FAM124A: variants seen among roughly 807,000 people sequenced by gnomAD.
The protein encoded by FAM124A is protein FAM124A.
FAM124A carries 23 observed loss-of-function variants against 24.5 expected under a neutral mutation model. The observed-to-expected ratio is 0.94, with a 90% confidence interval of 0.68 to 1.33. The LOEUF is 1.33. FAM124A is among the 40% of genes most tolerant of loss of function. FAM124A has a pLI of 0.00. For missense variants in FAM124A, 623 were observed against 722.8 expected, an observed-to-expected ratio of 0.86 and a Z score of 1.58; for synonymous variants, 287 against 314.7, an observed-to-expected ratio of 0.91 and a Z score of 0.93.
intron 1 of FAM124A, among the ~76,000 whole-genome samples, chr13:51,226,432 G>A (rs1954316393): frequency 6.6e-6 from 1 of 152,148 alleles, no homozygotes; most frequent in Non-Finnish European, 1.5e-5. Flanking sequence ...TCTCTTTGGT[G>A]TAAATACAGC....
intron 3 of FAM124A, among the ~76,000 whole-genome samples, chr13:51,267,355 A>G (rs1029468707): frequency 1.4e-4 from 21 of 152,340 alleles, no homozygotes; most frequent in African/African-American, 5.0e-4. Flanking sequence ...TTTTAAATGT[A>G]TGTCATTTTA....
At chr13:51,275,029 G>T (rs1954872965) in intron 3 of FAM124A, among the ~76,000 whole-genome samples, 1 of 152,112 alleles carries the variant, frequency 6.6e-6, no homozygotes. Context: ...ACAGTACTCA[G>T]GAATCCTGGT....
intron 3 of FAM124A, among the ~76,000 whole-genome samples, chr13:51,263,501 G>T (rs1954756763): frequency 6.6e-6 from 1 of 152,232 alleles, no homozygotes. Context: ...CCTCTCAGGG[G>T]AACCCTCGCT....
intron 3 of FAM124A, among the ~76,000 whole-genome samples, chr13:51,270,851 A>G (rs1476470292): frequency 6.6e-6 from 1 of 152,350 alleles, no homozygotes; most frequent in Admixed American, 6.5e-5. Flanking sequence ...CATAAGCATT[A>G]CAAATATATT....
intron 2 of FAM124A, among the ~76,000 whole-genome samples, chr13:51,234,832 A>G (rs1593587598): frequency 6.6e-6 from 1 of 152,304 alleles, no homozygotes; most frequent in East Asian, 1.9e-4. Context: ...GCTTCTCTGA[A>G]CCGTGAGCTG....
At chr13:51,247,195 G>T (rs890489013) in intron 2 of FAM124A, among the ~76,000 whole-genome samples, 2 of 152,218 alleles carry the variant, frequency 1.3e-5, no homozygotes, top group Admixed American at 6.5e-5. Context: ...GGCCAGGCGG[G>T]AGCTGCCGTG....
intron 3 of FAM124A, among the ~76,000 whole-genome samples, chr13:51,268,586 G>A (rs530609381): frequency 1.7e-4 from 26 of 152,320 alleles, no homozygotes; most frequent in Middle Eastern, 3.4e-3. Flanking sequence ...TCAGGGTCCT[G>A]TAGCATGAAC....
intron 2 of FAM124A, among the ~76,000 whole-genome samples, chr13:51,248,384 C>G (rs1022251087): frequency 2.0e-5 from 3 of 152,238 alleles, no homozygotes; most frequent in African/African-American, 7.2e-5. Context: ...GAATCCATGC[C>G]TCTTCTATTT....
At chr13:51,239,252 CAG>C (rs1954467145) in intron 2 of FAM124A, among the ~76,000 whole-genome samples, 2 of 152,248 alleles carry the variant, frequency 1.3e-5, no homozygotes, top group South Asian at 2.1e-4. Context: ...GCAGAAAAAT[CAG>C]AGAATACAGA....
intron 3 of FAM124A, among the ~76,000 whole-genome samples, chr13:51,277,883 C>T (rs1235614544): frequency 3.9e-5 from 6 of 152,088 alleles, no homozygotes; most frequent in Non-Finnish European, 8.8e-5. Context: ...CTCAGTGGTC[C>T]GCCGCAGACC....
At chr13:51,255,024 A>C (rs1322519671) in intron 3 of FAM124A, among the ~76,000 whole-genome samples, 1 of 152,156 alleles carries the variant, frequency 6.6e-6, no homozygotes, top group African/African-American at 2.4e-5. Context: ...CACTTAAATG[A>C]ACATCTTAAT....
rs148228660 is a variant in FAM124A at position 51,229,390 on chromosome 13, G to A, written c.69-1958G>A. The stretch of plus-strand genomic sequence containing the variant: ...GGTGGTGCCCTTAGTCTCTAGAAAC[G>A]TGGAGGGACTCATAGAGGGGCATCA... On this transcript the variant is annotated intron_variant, in intron 1 of 3. Transcript: ENST00000322475. Among the ~76,000 whole-genome samples, 595 of 152,314 alleles carry A rather than the reference G, an allele frequency of 3.9e-3. 6 individuals are homozygous for A. The highest frequency in any genetic ancestry group is 0.012 in the African/African-American group (486 of 41,558).
At position 51,281,299 on chromosome 13, in the gene FAM124A, A is replaced by G. The variant is rs749984006; in HGVS notation, c.*43A>G. The stretch of plus-strand genomic sequence containing the variant: ...TCTCGAAACACACAAACTCAGAGAC[A>G]CAGACTCAGGCCCCACTGCCCCTCT... On this transcript the variant is annotated 3_prime_UTR_variant, in exon 4 of 4. Transcript: ENST00000322475. The G allele has an allele frequency of 1.3e-6, 2 of 1,511,162 alleles. No homozygotes were observed. The highest frequency in any genetic ancestry group is 4.1e-5 in the Admixed American group (2 of 49,308). 93.6% of individuals were successfully genotyped at this position (1,511,162 alleles called of 1,614,324 possible).
Position 51,229,114 on chromosome 13 carries a change from C to G in FAM124A, c.69-2234C>G, listed in dbSNP as rs1386368231. Among the ~76,000 whole-genome samples, 4 of 152,180 alleles carry G rather than the reference C, an allele frequency of 2.6e-5. 1 individual carries two copies. Among genetic ancestry groups the G allele is most frequent in the Admixed American group, 6.5e-5 (1 of 15,280 alleles). On this transcript the variant is annotated intron_variant, in intron 1 of 3. Transcript: ENST00000322475. The stretch of plus-strand genomic sequence containing the variant: ...ATACTGAGGATCAGAGGCTGGAGAG[C>G]AGTGGGAGGCTGTAGGTGACTTTCT...
chr13:51,235,355 A>C (rs1376367826), intron 2 of FAM124A, among the ~76,000 whole-genome samples: 3 of 152,164 alleles, frequency 2.0e-5, no homozygotes, highest in Non-Finnish European at 4.4e-5. Context: ...AATTATTTAT[A>C]AACAGGAGAA....
rs1027935923 is a variant in FAM124A at position 51,284,048 on chromosome 13, C to T, written c.*2792C>T. The T allele has an allele frequency of 2.6e-5, 4 of 152,216 alleles. No individual in the cohort carries two copies. Among genetic ancestry groups the T allele is most frequent in the African/African-American group, 9.7e-5 (4 of 41,436 alleles). The allele number at this position is 152,216 out of a possible 1,614,324, so 9.4% of individuals were successfully genotyped here. A position where few individuals can be genotyped will look rare whatever the true frequency, so the allele number is the denominator to read the frequency against. ...GTAGACCACATGGAAATGGCAGTCC[C>T]TCCACGGAGAGGGAATCACAGGAAC... On this transcript the variant is annotated 3_prime_UTR_variant, in exon 4 of 4. Transcript: ENST00000322475.
At chr13:51,266,924 C>T (rs963864515) in intron 3 of FAM124A, among the ~76,000 whole-genome samples, 2 of 152,190 alleles carry the variant, frequency 1.3e-5, no homozygotes, top group Non-Finnish European at 2.9e-5. Context: ...CTGCTCTGTG[C>T]CAGGATCTGT....
intron 2 of FAM124A, among the ~76,000 whole-genome samples, chr13:51,244,836 C>CT (rs1954538153): frequency 3.3e-5 from 5 of 152,186 alleles, no homozygotes; most frequent in African/African-American, 4.8e-5. Context: ...CCCACCCAGG[C>CT]GAAACAGCCA....
chr13:51,277,650 C>T (rs12585685), intron 3 of FAM124A, among the ~76,000 whole-genome samples: 21,672 of 152,052 alleles, frequency 0.14, 1,853 homozygotes, highest in African/African-American at 0.23. Flanking sequence ...AAAAATTAGC[C>T]GGGTGTGGTG....
Sources: allele counts gnomAD v4.1 joint callset (sites outside exome capture counted in the v4.1 genomes callset), GRCh38; gene constraint gnomAD v4.1.1; transcripts MANE v1.5; gene names NCBI Gene and HGNC (gene_info 2026-07-23, HGNC 2026-07-21).